Variants in NPNT observed in about 807,000 individuals in gnomAD.
NPNT encodes nephronectin, also known as preosteoblast EGF-like repeat protein with MAM domain.
Under a neutral mutation model 68.6 loss-of-function variants are expected in NPNT, and 45 were observed. The ratio of observed to expected loss-of-function variants is 0.66; its 90% CI spans 0.52 to 0.84. NPNT has a LOEUF of 0.84. NPNT is among the 40% of genes least tolerant of loss of function. The pLI, the probability that NPNT is intolerant of heterozygous loss-of-function variation, is 0.00. For synonymous variants in NPNT, 233 were observed against 253.3 expected, an observed-to-expected ratio of 0.92 and a Z score of 0.76; for missense variants, 672 against 714.8, an observed-to-expected ratio of 0.94 and a Z score of 0.68.
Position 105,895,536 on chromosome 4 carries a change from G to A in NPNT, c.-117G>A, listed in dbSNP as rs1725743181. The stretch of plus-strand genomic sequence containing the variant: ...CTCCGGGAGCGGCAGCAGTAGCCCG[G>A]GCGGCGAGGGCTGGGGGTTCCTCGA... On this transcript the variant is annotated 5_prime_UTR_variant, in exon 1 of 12. Transcript: ENST00000379987. The A allele has an allele frequency of 1.2e-6, 1 of 810,166 alleles. No homozygotes were observed. Among genetic ancestry groups the A allele is most frequent in the Non-Finnish European group, 1.9e-6 (1 of 520,486 alleles). 50.2% of individuals were successfully genotyped at this position (810,166 alleles called of 1,614,324 possible).
At chr4:105,910,935 C>G (rs72968666) in intron 2 of NPNT, among the ~76,000 whole-genome samples, 3 of 151,944 alleles carry the variant, frequency 2.0e-5, no homozygotes, top group African/African-American at 7.3e-5. Context: ...TTTACCTTTG[C>G]TTACAATAAT....
intron 10 of NPNT, among the ~76,000 whole-genome samples, chr4:105,960,247 T>C (rs568700206): frequency 1.9e-4 from 29 of 152,372 alleles, no homozygotes; most frequent in African/African-American, 6.3e-4. Context: ...TTATTTCATT[T>C]ATTTTAAAAG....
At chr4:105,958,658 A>G (rs1360494021) in intron 9 of NPNT, 101 bp downstream of exon 9, 7 of 606,320 alleles carry the variant, frequency 1.2e-5, no homozygotes, top group Non-Finnish European at 1.7e-5. Flanking sequence ...TGGGAAAATT[A>G]CACCTGTTTT....
intron 3 of NPNT, among the ~76,000 whole-genome samples, chr4:105,930,662 T>C (rs114089106): frequency 1.3e-5 from 2 of 152,352 alleles, no homozygotes; most frequent in African/African-American, 4.8e-5. Context: ...GAACTGGAAA[T>C]TAGCTTTTGA....
rs528189585 is a variant in NPNT, at chr4:105,940,422, C to CA, written c.641-84dup. 1,257 of 1,322,062 alleles carry CA rather than the reference C, an allele frequency of 9.5e-4. 4 individuals are homozygous for CA. In the African/African-American group the frequency reaches 0.011, roughly 12 times the overall value. The allele number at this position is 1,322,062 out of a possible 1,614,324, so 81.9% of individuals were successfully genotyped here. A position where few individuals can be genotyped will look rare whatever the true frequency, so the allele number is the denominator to read the frequency against. ...AATATTATGTAGATCATCACATTGC[C>CA]AAAAAAAATCATTTTTGAAACTGTA... On this transcript the variant is annotated intron_variant, in intron 6 of 11. Transcript: ENST00000379987.
intron 8 of NPNT, among the ~76,000 whole-genome samples, chr4:105,949,717 T>C (rs868722865): frequency 2.6e-5 from 4 of 152,200 alleles, no homozygotes; most frequent in African/African-American, 9.7e-5. Context: ...TATATAACTA[T>C]TAAACATGTT....
In NPNT at chr4:105,952,312, G is replaced by T. The variant is rs113039871; in HGVS notation, c.1160-6159G>T. 5.6e-3 allele frequency among the ~76,000 whole-genome samples: 860 copies of T among 152,262 alleles called. 11 individuals carry two copies. The highest frequency in any genetic ancestry group is 0.02 in the African/African-American group (824 of 41,550). Reference sequence around the variant, plus strand: ...GAGAAAAATGAAAATAGAAACTTGCGATTTTATTCTAGGCTTGTTACCAAA... The same window carrying T: ...GAGAAAAATGAAAATAGAAACTTGCTATTTTATTCTAGGCTTGTTACCAAA... On this transcript the variant is annotated intron_variant, in intron 8 of 11. Transcript: ENST00000379987.
At chr4:105,921,993 C>A (rs1007688064) in intron 2 of NPNT, among the ~76,000 whole-genome samples, 22 of 152,116 alleles carry the variant, frequency 1.4e-4, no homozygotes, top group Admixed American at 9.2e-4. Context: ...GTGAGCATAA[C>A]CTGGAGGACA....
At chr4:105,917,636 T>C (rs1391649562) in intron 2 of NPNT, among the ~76,000 whole-genome samples, 4 of 152,154 alleles carry the variant, frequency 2.6e-5, no homozygotes, top group Non-Finnish European at 5.9e-5. Flanking sequence ...ATGAAAGCAC[T>C]GAAGAGGGTA....
chr4:105,900,105 G>C lies in NPNT; in HGVS notation c.172+2104G>C, dbSNP rs957501150. ...TTATAAAGATTCCAAAGAACTTCTA[G>C]CGAATTTAATGTGAGAAATGTTTTT... On this transcript the variant is annotated intron_variant, in intron 2 of 11. Coordinates refer to ENST00000379987, the MANE Select transcript of NPNT (RefSeq NM_001033047.3). Among the ~76,000 whole-genome samples, 3 of 152,306 alleles carry C rather than the reference G, an allele frequency of 2.0e-5. No individual in the cohort carries two copies. In the East Asian group the frequency reaches 5.8e-4, roughly 29 times the overall value.
chr4:105,965,974 C>G (rs1732097485), intron 10 of NPNT, among the ~76,000 whole-genome samples: 1 of 151,918 alleles, frequency 6.6e-6, no homozygotes, highest in Non-Finnish European at 1.5e-5. Flanking sequence ...AGTAAGTGCA[C>G]AGAAATCACC....
At chr4:105,939,091 T>C (rs1729721992) in intron 5 of NPNT, among the ~76,000 whole-genome samples, 1 of 152,212 alleles carries the variant, frequency 6.6e-6, no homozygotes, top group South Asian at 2.1e-4. Context: ...CCAGACACTG[T>C]GCTGAGTGCT....
At chr4:105,948,528 T>C (rs1263884139) in intron 8 of NPNT, among the ~76,000 whole-genome samples, 1 of 152,248 alleles carries the variant, frequency 6.6e-6, no homozygotes, top group African/African-American at 2.4e-5. Context: ...AATTCTGAGT[T>C]ACTATGAAAT....
At chr4:105,905,858 A>T (rs1324788203) in intron 2 of NPNT, among the ~76,000 whole-genome samples, 8 of 152,208 alleles carry the variant, frequency 5.3e-5, no homozygotes, top group Admixed American at 4.6e-4. Context: ...TTAATCTGTA[A>T]TGTAAAGGAG....
chr4:105,912,527 G>A, intron 2 of NPNT: 1 of 742,208 alleles, frequency 1.3e-6, no homozygotes, highest in South Asian at 4.7e-5. Flanking sequence ...GACAGTTTAT[G>A]TTTTTAATAC....
intron 2 of NPNT, among the ~76,000 whole-genome samples, chr4:105,904,188 C>T (rs1252082345): frequency 6.6e-6 from 1 of 152,046 alleles, no homozygotes; most frequent in Admixed American, 6.5e-5. Context: ...TAATTTTTTG[C>T]TAACACAAGC....
chr4:105,916,497 C>A (rs1400654582), intron 2 of NPNT, among the ~76,000 whole-genome samples: 1 of 151,978 alleles, frequency 6.6e-6, no homozygotes, highest in African/African-American at 2.4e-5. Context: ...ACTGAGATTA[C>A]AGGCCTGGGC....
chr4:105,927,379 A>T lies in NPNT; in HGVS notation c.216A>T (p.Pro72=). The change falls in exon 3 of 12, where the codon CCA becomes CCT. Residue 72 remains proline, a synonymous_variant. Transcript: ENST00000379987. ...PRCKHGECIG[P]NKCKCHPGYA... is the part of the protein sequence containing the mutation. ...GCAAACATGGTGAATGTATCGGGCCAAACAAGTGCAAGTGTCATCCTGGTT... is the reference window on the plus strand; with the variant it reads ...GCAAACATGGTGAATGTATCGGGCCTAACAAGTGCAAGTGTCATCCTGGTT... 1 of 1,613,336 alleles carries T rather than the reference A, an allele frequency of 6.2e-7. No individual in the cohort carries two copies.
intron 2 of NPNT, among the ~76,000 whole-genome samples, chr4:105,901,443 C>T (rs1019674262): frequency 5.3e-5 from 8 of 152,124 alleles, no homozygotes; most frequent in African/African-American, 1.7e-4. Context: ...TCTGTTTACT[C>T]GGAGATTTGA....
Sources: allele counts gnomAD v4.1 joint callset (sites outside exome capture counted in the v4.1 genomes callset), GRCh38; gene constraint gnomAD v4.1.1; transcripts MANE v1.5; gene names NCBI Gene and HGNC (gene_info 2026-07-23, HGNC 2026-07-21).